KMT2B: variants seen among roughly 807,000 people sequenced by gnomAD.
KMT2B encodes the protein lysine methyltransferase 2B.
KMT2B carries 22 observed loss-of-function variants against 255.3 expected under a neutral mutation model. The observed-to-expected ratio is 0.09, with a 90% CI of 0.06 to 0.12. The LOEUF is 0.12. Among genes scored for constraint, KMT2B ranks in the 10% least tolerant of loss-of-function variants. The pLI is 1.00. For missense variants in KMT2B, 3,149 were observed against 3,737.0 expected, an observed-to-expected ratio of 0.84 and a Z score of 4.10; for synonymous variants, 1,730 against 1,498.1, an observed-to-expected ratio of 1.15 and a Z score of -3.57.
At position 35,733,926 on chromosome 19, in the gene KMT2B, G is replaced by A. The variant is rs1969823891; in HGVS notation, c.7159+54G>A. 1.5e-6 allele frequency: 2 copies of A among 1,322,052 alleles called. No homozygotes were observed. The highest frequency in any genetic ancestry group is 1.9e-5 in the Admixed American group (1 of 53,748). The allele number at this position is 1,322,052 out of a possible 1,614,324, so 81.9% of individuals were successfully genotyped here. On this transcript the variant is annotated intron_variant, in intron 30 of 36. Transcript: ENST00000420124. This position sits in a 1 kb window ranked among gnomAD's most constrained non-coding sequence, Gnocchi z 4.3. Reference sequence around the variant, plus strand: ...TTGCCTGTGCCTGGCTCAGCTGGGTGACTCACAGATGCAAAATCAGCCCTC... The same window carrying A: ...TTGCCTGTGCCTGGCTCAGCTGGGTAACTCACAGATGCAAAATCAGCCCTC...
At position 35,718,485 on chromosome 19, in the gene KMT2B, G is replaced by A. The variant is rs1969047295; in HGVS notation, c.363+104G>A. The A allele has an allele frequency of 8.5e-7, 1 of 1,171,502 alleles. No homozygotes were observed. Among genetic ancestry groups the A allele is most frequent in the African/African-American group, 1.6e-5 (1 of 62,244 alleles). 72.6% of individuals were successfully genotyped at this position (1,171,502 alleles called of 1,614,324 possible). ...GGCGTGGGCAGGCCGGGTCCTCAGG[G>A]TTCCTTCGGAGAGACGGGGCACGGA... is the stretch of plus-strand genomic sequence containing the variant. On this transcript the variant is annotated intron_variant, in intron 1 of 36. Transcript: ENST00000420124. This position sits in a 1 kb window ranked among gnomAD's most constrained non-coding sequence, Gnocchi z 5.0.
Position 35,731,965 on chromosome 19 carries a change from C to T in KMT2B, c.5495C>T (p.Pro1832Leu), listed in dbSNP as rs1429168808. ...ACAGATGTTCTTGTCCCTGGAGCTC[C>T]TGAGCGCCACTCGCCCATTCAGAAC... ...LDTDVLVPGAPERHSPIQNLD... is the reference protein window; with the variant it reads ...LDTDVLVPGALERHSPIQNLD... Residue 1832 changes from proline to leucine, a missense_variant, in exon 27 of 37, where the codon CCT (proline) becomes CTT (leucine). Physicochemically the swap from Pro to Leu is moderately conservative, Grantham distance 98. This residue lies in a region of KMT2B where 897 missense variants were observed against 825.3 expected (regional missense o/e 1.09). Coordinates refer to ENST00000420124, the MANE Select transcript of KMT2B (RefSeq NM_014727.3). 1.7e-5 allele frequency: 28 copies of T among 1,613,842 alleles called. No homozygotes were observed. The highest frequency in any genetic ancestry group is 2.4e-5 in the Non-Finnish European group (28 of 1,179,820).
chr19:35,736,626 G>A lies in KMT2B; in HGVS notation c.7160-64G>A, dbSNP rs146263614. On this transcript the variant is annotated intron_variant, in intron 30 of 36. Transcript: ENST00000420124. Reference sequence around the variant, plus strand: ...GAGTGGTGTCTGCTGGGAGCACAGCGGGGCTCAGGGGCTTTTGAGTCCGGG... The same window carrying A: ...GAGTGGTGTCTGCTGGGAGCACAGCAGGGCTCAGGGGCTTTTGAGTCCGGG... 8.3e-4 allele frequency: 1,314 copies of A among 1,588,020 alleles called. 9 individuals carry two copies. In the South Asian group the frequency reaches 8.7e-3, roughly 11 times the overall value.
chr19:35,727,420 C>T lies in KMT2B; in HGVS notation c.4118-18C>T. ...ATCCTCTGAAACCACTTTTCCCTTT[C>T]CCACTTGGCTATCCTAGATGAAGAC... is the stretch of plus-strand genomic sequence containing the variant. On this transcript the variant is annotated intron_variant, in intron 15 of 36. Transcript: ENST00000420124. This position sits in a 1 kb window ranked among gnomAD's most constrained non-coding sequence, Gnocchi z 4.2. The T allele has an allele frequency of 6.2e-7, 1 of 1,613,122 alleles. No homozygotes were observed.
chr19:35,724,941 A>T (rs939580755), intron 9 of KMT2B, 48 bp from the exon 10 acceptor site: 1 of 1,383,008 alleles, frequency 7.2e-7, no homozygotes, highest in East Asian at 2.3e-5. Context: ...AGGAGTCTGC[A>T]TCACGGCCAG....
chr19:35,724,029 C>G (rs754644092), intron 8 of KMT2B, 22 bp downstream of exon 8: 1 of 1,547,850 alleles, frequency 6.5e-7, no homozygotes, highest in East Asian at 2.3e-5. Flanking sequence ...TTAATGCTTT[C>G]TCTGTTGATC....
In KMT2B at chr19:35,721,455, G is replaced by A; in HGVS notation, c.2108G>A (p.Ser703Asn). Residue 703 changes from serine to asparagine, a missense_variant, in exon 3 of 37, where the codon AGC (serine) becomes AAC (asparagine). By Grantham distance (46) the Ser-to-Asn change is conservative. Around this residue, in one of 18 missense-constraint regions of KMT2B, gnomAD observed 1,188 missense variants for 1,106.4 expected, o/e 1.07. Coordinates refer to ENST00000420124, the MANE Select transcript of KMT2B (RefSeq NM_014727.3). Reference protein sequence around the residue: ...PRAVGRTNHLSLPRFAPVVTT... With the variant: ...PRAVGRTNHLNLPRFAPVVTT... Reference sequence around the variant, plus strand: ...GCAGTGGGCCGCACCAACCACCTCAGCCTGCCTCGATTCGCCCCTGTGGTC... The same window carrying A: ...GCAGTGGGCCGCACCAACCACCTCAACCTGCCTCGATTCGCCCCTGTGGTC... 6.2e-7 allele frequency: 1 copy of A among 1,612,556 alleles called. No homozygotes were observed. Among genetic ancestry groups the A allele is most frequent in the Non-Finnish European group, 8.5e-7 (1 of 1,179,810 alleles).
rs1205961336 is a variant in KMT2B, at chr19:35,718,216, C to T, written c.198C>T (p.Ala66=). 6.0e-6 allele frequency: 7 copies of T among 1,169,792 alleles called. No individual in the cohort carries two copies. In the African/African-American group the frequency reaches 6.5e-5, roughly 11 times the overall value. 72.5% of individuals were successfully genotyped at this position (1,169,792 alleles called of 1,614,324 possible). ...GAGCCGAGCCCGGGGAGGACACGGC[C>T]CTGCTCCGTTTGCTGGGGCTCCGCC... ...PGGAEPGEDT[A]LLRLLGLRRG... is the part of the protein sequence containing the mutation. Residue 66 remains alanine (A), a synonymous_variant, in exon 1 of 37, where the codon GCC becomes GCT. Transcript: ENST00000420124. The surrounding 1 kb of genome is among the most constrained non-coding windows in gnomAD (Gnocchi z 5.0).
chr19:35,723,756 T>G lies in KMT2B; in HGVS notation c.3083T>G (p.Leu1028Trp). The G allele has an allele frequency of 6.5e-7, 1 of 1,546,278 alleles. No homozygotes were observed. Among genetic ancestry groups the G allele is most frequent in the Non-Finnish European group, 8.7e-7 (1 of 1,146,018 alleles). ...GGCCGGACGATAGTGAAGACGCTGT[T>G]GCCCTGGGATTCCGATGAATCTCCT... ...KKGRTIVKTL[L>W]PWDSDESPEA... The change falls in exon 8 of 37, where the codon TTG becomes TGG. Residue 1028 changes from leucine (L) to tryptophan (W), a missense_variant. Around this residue, in one of 18 missense-constraint regions of KMT2B, gnomAD observed 50 missense variants for 71.9 expected, o/e 0.70. Coordinates refer to ENST00000420124, the MANE Select transcript of KMT2B (RefSeq NM_014727.3). The surrounding 1 kb of genome is among the most constrained non-coding windows in gnomAD (Gnocchi z 7.5).
Position 35,738,509 on chromosome 19 carries a change from G to A in KMT2B, c.8100G>A (p.Lys2700=), listed in dbSNP as rs748262409. 55 of 1,613,942 alleles carry A rather than the reference G, an allele frequency of 3.4e-5. No individual in the cohort carries two copies. The highest frequency in any genetic ancestry group is 4.3e-5 in the Non-Finnish European group (51 of 1,179,956). ...TCCCCATCGAGGATGCCAGCAACAA[G>A]CTGCCCTGCAACTGTGGCGCCAAGC... ...YKFPIEDASN[K]LPCNCGAKRC... The change falls in exon 37 of 37, where the codon AAG becomes AAA. Residue 2700 remains lysine, a synonymous_variant. Coordinates refer to ENST00000420124, the MANE Select transcript of KMT2B (RefSeq NM_014727.3). This position sits in a 1 kb window ranked among gnomAD's most constrained non-coding sequence, Gnocchi z 8.7.
In KMT2B at chr19:35,737,379, T is replaced by G. The variant is rs1969958924; in HGVS notation, c.7550+116T>G. On this transcript the variant is annotated intron_variant, in intron 33 of 36. Transcript: ENST00000420124. The surrounding 1 kb of genome is among the most constrained non-coding windows in gnomAD (Gnocchi z 5.3). ...CCTGGGGAGGAGACACTAGGTCACTTGAAGAGTTATTTCTAGAGTTAGCCA... is the reference window on the plus strand; with the variant it reads ...CCTGGGGAGGAGACACTAGGTCACTGGAAGAGTTATTTCTAGAGTTAGCCA... The G allele has an allele frequency of 8.8e-7, 1 of 1,131,200 alleles. No homozygotes were observed. Among genetic ancestry groups the G allele is most frequent in the Non-Finnish European group, 1.2e-6 (1 of 824,384 alleles). 70.1% of individuals were successfully genotyped at this position (1,131,200 alleles called of 1,614,324 possible).
In KMT2B at chr19:35,721,059, C is replaced by G; in HGVS notation, c.1712C>G (p.Pro571Arg). The change falls in exon 3 of 37, where the codon CCA (proline) becomes CGA (arginine). Residue 571 changes from proline to arginine, a missense_variant. By Grantham distance (103) the Pro-to-Arg change is moderately radical. Coordinates refer to ENST00000420124, the MANE Select transcript of KMT2B (RefSeq NM_014727.3). ...PVLRPPITTSPPVPQEPAPVP... is the reference protein window; with the variant it reads ...PVLRPPITTSRPVPQEPAPVP... ...CTGCGACCTCCCATTACCACCTCCC[C>G]ACCTGTTCCCCAGGAGCCAGCACCA... is the stretch of plus-strand genomic sequence containing the variant. 1 of 1,610,738 alleles carries G rather than the reference C, an allele frequency of 6.2e-7. No homozygotes were observed. Among genetic ancestry groups the G allele is most frequent in the Non-Finnish European group, 8.5e-7 (1 of 1,178,844 alleles).
At chr19:35,724,534 GGTTA>G in intron 8 of KMT2B, 99 bp from the exon 9 acceptor site, 1 of 944,182 alleles carries the variant, frequency 1.1e-6, no homozygotes, top group Non-Finnish European at 1.7e-6. Context: ...GGCGGGTCTT[GGTTA>G]GTTAAAGAAG....
rs762449324 is a variant in KMT2B at position 35,724,684 on chromosome 19, A to G, written c.3382A>G (p.Thr1128Ala). The G allele has an allele frequency of 1.2e-6, 2 of 1,601,876 alleles. No homozygotes were observed. Among genetic ancestry groups the G allele is most frequent in the Admixed American group, 1.7e-5 (1 of 58,438 alleles). Residue 1128 changes from threonine (T) to alanine (A), a missense_variant, in exon 9 of 37, where the codon ACC (threonine) becomes GCC (alanine). Physicochemically the swap from Thr to Ala is moderately conservative, Grantham distance 58. Coordinates refer to ENST00000420124, the MANE Select transcript of KMT2B (RefSeq NM_014727.3). ...GGAGCAGAGCCGGCCCCGCAAACCT[A>G]CCCTGCAGCCTGTGTTGCAGCTCAA... ...PEEQSRPRKP[T>A]LQPVLQLKAR...
rs1447781237 is a variant in KMT2B at position 35,737,540 on chromosome 19, T to C, written c.7551-96T>C. On this transcript the variant is annotated intron_variant, in intron 33 of 36. Coordinates refer to ENST00000420124, the MANE Select transcript of KMT2B (RefSeq NM_014727.3). This position sits in a 1 kb window ranked among gnomAD's most constrained non-coding sequence, Gnocchi z 5.3. Reference sequence around the variant, plus strand: ...CTAAAATAAAAATTTAAAAAAGTTATTTCTAGAGCTGACATCAGAAAAATG... The same window carrying C: ...CTAAAATAAAAATTTAAAAAAGTTACTTCTAGAGCTGACATCAGAAAAATG... The C allele has an allele frequency of 4.5e-6, 4 of 894,562 alleles. No homozygotes were observed. The highest frequency in any genetic ancestry group is 5.3e-5 in the East Asian group (2 of 37,386). The allele number at this position is 894,562 out of a possible 1,614,324, so 55.4% of individuals were successfully genotyped here.
chr19:35,736,252 A>C (rs1358348086), intron 30 of KMT2B: 1 of 165,690 alleles, frequency 6.0e-6, no homozygotes, highest in African/African-American at 2.4e-5. Context: ...CTTTGTCTCA[A>C]AAAATGATAA....
chr19:35,718,351 G>T lies in KMT2B; in HGVS notation c.333G>T (p.Glu111Asp). ...CGAGTCGAGGCTGCGTGCCGGAGGA[G>T]GAGAGCAGTGACGGGGAATCCGACG... Reference protein sequence around the residue: ...WGPSRGCVPEEESSDGESDEE... With the variant: ...WGPSRGCVPEDESSDGESDEE... Residue 111 changes from glutamate to aspartate, a missense_variant, in exon 1 of 37, where the codon GAG (glutamate) becomes GAT (aspartate). Glu to Asp is a conservative substitution (Grantham distance 45). Transcript: ENST00000420124. This position sits in a 1 kb window ranked among gnomAD's most constrained non-coding sequence, Gnocchi z 5.0. 3.2e-6 allele frequency: 4 copies of T among 1,266,690 alleles called. No individual in the cohort carries two copies. Among genetic ancestry groups the T allele is most frequent in the Non-Finnish European group, 4.0e-6 (4 of 999,602 alleles). 78.5% of individuals were successfully genotyped at this position (1,266,690 alleles called of 1,614,324 possible).
intron 3 of KMT2B, 108 bp downstream of exon 3, chr19:35,721,912 C>T (rs1969230060): frequency 2.4e-5 from 33 of 1,393,630 alleles, no homozygotes; most frequent in Non-Finnish European, 3.0e-5. Context: ...TGCGGGGAAC[C>T]CTCAGAACCT....
chr19:35,724,549 G>A, intron 8 of KMT2B, 88 bp from the exon 9 acceptor site: 2 of 1,114,080 alleles, frequency 1.8e-6, no homozygotes, highest in South Asian at 2.7e-5. Context: ...GTTAAAGAAG[G>A]CCCTGGGAAT....
Sources: allele counts gnomAD v4.1 joint callset, GRCh38; gene constraint gnomAD v4.1.1; regional missense constraint gnomAD v4.1.1; non-coding constraint Gnocchi (gnomAD v3.1); transcripts MANE v1.5; gene names NCBI Gene and HGNC (gene_info 2026-07-23, HGNC 2026-07-21).